The following LCTL variants were observed in gnomAD, a reference collection of about 807,000 sequenced individuals.
LCTL encodes the protein lactase-like protein.
In LCTL, 76 loss-of-function variants were observed where a neutral mutation model predicts 75.8. That is an observed-to-expected ratio of 1.00 (90% CI 0.83 to 1.21). The LOEUF (loss-of-function observed/expected upper bound fraction) is 1.21, where lower values mean the gene tolerates loss of function less well. LCTL is among the 50% of genes most tolerant of loss of function. The pLI, the probability that LCTL is intolerant of heterozygous loss-of-function variation, is 0.00. For missense variants in LCTL, 670 were observed against 712.4 expected (o/e 0.94, Z 0.68); for synonymous variants, 271 against 268.8 (o/e 1.01, Z -0.08).
exon 5 of LCTL, chr15:66,561,239 A>G: frequency 6.2e-7 from 1 of 1,614,202 alleles, no homozygotes; most frequent in Non-Finnish European, 8.5e-7. Context: ...AAAGGCCTCA[A>G]AGCACAGGTT....
chr15:66,551,765 T>C (rs1895608855), exon 11 of LCTL: 19 of 1,613,558 alleles, frequency 1.2e-5, no homozygotes, highest in Non-Finnish European at 1.6e-5. Flanking sequence ...TTCAACATAG[T>C]AGAATCCATA....
Position 66,561,001 on chromosome 15 carries a change from C to T in LCTL, c.705+5G>A, listed in dbSNP as rs75625666. The T allele has an allele frequency of 0.046, 74,017 of 1,613,294 alleles. 1,810 individuals are homozygous for T. The highest frequency in any genetic ancestry group is 0.07 in the African/African-American group (5,243 of 75,034). ...CTGTTCCTCCACCAGAAGGACCCACCTCACCTTAATGATGTGGTGTGCTGC... is the reference window on the plus strand; with the variant it reads ...CTGTTCCTCCACCAGAAGGACCCACTTCACCTTAATGATGTGGTGTGCTGC... On this transcript the variant is annotated splice_donor_5th_base_variant and intron_variant, in intron 6 of 12. Transcript: ENST00000341509.
chr15:66,554,368 A>G (rs1895693956), intron 8 of LCTL, among the ~76,000 whole-genome samples: 1 of 151,614 alleles, frequency 6.6e-6, no homozygotes. Flanking sequence ...CTGAGGCAGG[A>G]GAATCACTTG....
chr15:66,556,405 A>G (rs1261562064), intron 8 of LCTL, among the ~76,000 whole-genome samples: 1 of 152,178 alleles, frequency 6.6e-6, no homozygotes. Flanking sequence ...CCCAGGTTCA[A>G]GTGATTCTCC....
chr15:66,565,477 G>A (rs1000831007), exon 1 of LCTL: 2 of 649,672 alleles, frequency 3.1e-6, no homozygotes, highest in East Asian at 2.9e-5. Flanking sequence ...GGGAGAGGAA[G>A]GGAAAGGAAG....
chr15:66,565,621 G>T, upstream of LCTL: 1 of 471,160 alleles, frequency 2.1e-6, no homozygotes. Context: ...GTCTGATGGG[G>T]GAGACCCAGC....
At chr15:66,551,325 G>A (rs1218546135) in intron 11 of LCTL, among the ~76,000 whole-genome samples, 12 of 116,734 alleles carry the variant, frequency 1.0e-4, no homozygotes, top group Admixed American at 3.5e-4. Flanking sequence ...CCAACCTGGC[G>A]ACAGAGTGAG....
exon 9 of LCTL, chr15:66,553,056 G>A (rs1473733511): frequency 1.2e-6 from 2 of 1,601,694 alleles, no homozygotes; most frequent in South Asian, 1.1e-5. Context: ...GATCTGGCCA[G>A]TTTGGGTCAA....
At chr15:66,553,170 A>G (rs771002435) in exon 9 of LCTL, 19 of 1,611,182 alleles carry the variant, frequency 1.2e-5, no homozygotes, top group East Asian at 4.5e-5. Flanking sequence ...ATCCCAAGAA[A>G]TCGGATGTGC....
intron 4 of LCTL, among the ~76,000 whole-genome samples, chr15:66,561,628 T>G (rs748135471): frequency 6.6e-6 from 1 of 152,206 alleles, no homozygotes; most frequent in African/African-American, 2.4e-5. Flanking sequence ...GGACAGAGTC[T>G]GCCTTCTTCG....
At position 66,560,993 on chromosome 15, in the gene LCTL, G is replaced by A. The variant is rs1895871116; in HGVS notation, c.705+13C>T. On this transcript the variant is annotated intron_variant, in intron 6 of 12. Transcript: ENST00000341509. ...CCCTGAGGCTGTTCCTCCACCAGAA[G>A]GACCCACCTCACCTTAATGATGTGG... The A allele has an allele frequency of 6.2e-7, 1 of 1,612,768 alleles. No individual in the cohort carries two copies. Among genetic ancestry groups the A allele is most frequent in the East Asian group, 2.2e-5 (1 of 44,876 alleles).
intron 5 of LCTL, 21 bp from the exon 7 acceptor site, chr15:66,561,122 A>G (rs762755038): frequency 6.2e-7 from 1 of 1,614,170 alleles, no homozygotes; most frequent in Admixed American, 1.7e-5. Context: ...AGCAAGCAGG[A>G]CCACAGGATC....
At position 66,561,170 on chromosome 15, in the gene LCTL, G is replaced by A; in HGVS notation, c.609+17C>T. 1 of 1,614,194 alleles carries A rather than the reference G, an allele frequency of 6.2e-7. No individual in the cohort carries two copies. The highest frequency in any genetic ancestry group is 8.5e-7 in the Non-Finnish European group (1 of 1,180,024). ...CAGGGAGTGTCACATTCTCCCACCT[G>A]GAGGGGCCCTGCTTACCCGAGGATC... On this transcript the variant is annotated intron_variant, in intron 5 of 12. Transcript: ENST00000341509.
chr15:66,557,691 T>C, intron 8 of LCTL, 31 bp downstream of exon 9: 1 of 1,603,544 alleles, frequency 6.2e-7, no homozygotes, highest in Non-Finnish European at 8.5e-7. Flanking sequence ...CTTGCCCTAG[T>C]ATCTGCAGTT....
intron 12 of LCTL, chr15:66,549,365 T>A (rs1159406665): frequency 6.6e-6 from 1 of 152,214 alleles, no homozygotes; most frequent in East Asian, 1.9e-4. Context: ...GCTAGTTTGG[T>A]AAGATTTGGT....
exon 4 of LCTL, chr15:66,563,593 A>T: frequency 6.2e-7 from 1 of 1,612,168 alleles, no homozygotes; most frequent in Non-Finnish European, 8.5e-7. Flanking sequence ...AGATCACTGT[A>T]GAATTCGATT....
At chr15:66,552,667 CAAAAAAAAAAAAA>C (rs752480803) in intron 9 of LCTL, among the ~76,000 whole-genome samples, 3 of 53,106 alleles carry the variant, frequency 5.6e-5, no homozygotes, top group African/African-American at 1.6e-4. Flanking sequence ...GAGACTGTCT[CAAAAAAAAAAAAA>C]AAAAAAAAAC....
chr15:66,548,183 A>G (rs1351050293), exon 13 of LCTL: 2 of 194,888 alleles, frequency 1.0e-5, no homozygotes. Context: ...GTGATAAACA[A>G]TCAAGTCACA....
intron 11 of LCTL, 33 bp from the exon 13 acceptor site, chr15:66,550,137 CT>C: frequency 2.1e-6 from 3 of 1,402,730 alleles, no homozygotes; most frequent in Non-Finnish European, 3.0e-6. Context: ...GTAATGTTGT[CT>C]TAGACTAATT....
Sources: allele counts gnomAD v4.1 joint callset (sites outside exome capture counted in the v4.1 genomes callset), GRCh38; gene constraint gnomAD v4.1.1; transcripts MANE v1.5; gene names NCBI Gene and HGNC (gene_info 2026-07-23, HGNC 2026-07-21).